Variants in C7orf78 observed in about 807,000 individuals in gnomAD.
The protein encoded by C7orf78 is chromosome 7 open reading frame 78, also known as putative uncharacterized protein C7orf78.
At chr7:12,486,772 G>A in the C7orf78 span, among the ~76,000 whole-genome samples, 39,542 of 151,712 alleles carry the variant, frequency 0.26, 5,790 homozygotes, top group East Asian at 0.5. Flanking sequence ...TCTGCATATC[G>A]GATAATATTG....
At chr7:12,500,997 A>G in the C7orf78 span, among the ~76,000 whole-genome samples, 16 of 151,716 alleles carry the variant, frequency 1.1e-4, no homozygotes. Flanking sequence ...TTATCTCAAT[A>G]GATGCAGAAA....
the C7orf78 span, among the ~76,000 whole-genome samples, chr7:12,535,922 C>T: frequency 6.6e-6 from 1 of 152,232 alleles, no homozygotes; most frequent in Non-Finnish European, 1.5e-5. Context: ...TTCCCATGGA[C>T]TTGGGCAGCT....
the C7orf78 span, among the ~76,000 whole-genome samples, chr7:12,510,338 C>T: frequency 6.6e-6 from 1 of 152,064 alleles, no homozygotes; most frequent in Non-Finnish European, 1.5e-5. Flanking sequence ...GCACATGCCA[C>T]CATGCCTGGC....
At chr7:12,532,075 A>C in the C7orf78 span, among the ~76,000 whole-genome samples, 1 of 152,152 alleles carries the variant, frequency 6.6e-6, no homozygotes, top group Non-Finnish European at 1.5e-5. Flanking sequence ...CTTACTGTAC[A>C]TGTGGCTGGC....
chr7:12,496,482 C>T, the C7orf78 span: 1 of 149,086 alleles, frequency 6.7e-6, no homozygotes, highest in Admixed American at 6.7e-5. Context: ...AAGTACTCTA[C>T]TGTCATCAAG....
chr7:12,525,687 T>A, the C7orf78 span: 1 of 381,944 alleles, frequency 2.6e-6, no homozygotes, highest in African/African-American at 2.1e-5. Context: ...AATGCTACAT[T>A]TGAATGCCAC....
chr7:12,540,639 T>G, the C7orf78 span, among the ~76,000 whole-genome samples: 3 of 152,362 alleles, frequency 2.0e-5, no homozygotes. Context: ...ATGTGCATGC[T>G]TTCTGGTAAG....
At chr7:12,523,027 A>G in the C7orf78 span, 7 of 398,398 alleles carry the variant, frequency 1.8e-5, no homozygotes, top group African/African-American at 1.4e-4. Context: ...AGAGAGGCAC[A>G]AGAGATAGGG....
chr7:12,522,489 A>G, the C7orf78 span, among the ~76,000 whole-genome samples: 4 of 152,102 alleles, frequency 2.6e-5, no homozygotes, highest in African/African-American at 4.8e-5. Context: ...GGCAATGACA[A>G]ATTTCACATA....
chr7:12,494,248 G>A, the C7orf78 span, among the ~76,000 whole-genome samples: 1 of 152,052 alleles, frequency 6.6e-6, no homozygotes, highest in Admixed American at 6.6e-5. Flanking sequence ...AGCTGCTGAT[G>A]GTGGGATCCA....
the C7orf78 span, among the ~76,000 whole-genome samples, chr7:12,531,695 T>C: frequency 7.2e-5 from 11 of 152,196 alleles, no homozygotes; most frequent in Non-Finnish European, 4.4e-5. Context: ...GTAATAATAG[T>C]ACCAACTTTG....
the C7orf78 span, chr7:12,523,391 G>A: frequency 5.0e-6 from 2 of 398,268 alleles, no homozygotes; most frequent in East Asian, 7.1e-5. Context: ...TCCAAGGGGT[G>A]TATATGTCAA....
chr7:12,533,173 G>A, the C7orf78 span, among the ~76,000 whole-genome samples: 2 of 152,070 alleles, frequency 1.3e-5, no homozygotes, highest in African/African-American at 2.4e-5. Context: ...TAGTCCATCA[G>A]CAAAAGTTTC....
At chr7:12,490,652 T>C in the C7orf78 span, among the ~76,000 whole-genome samples, 2 of 152,030 alleles carry the variant, frequency 1.3e-5, no homozygotes, top group Admixed American at 1.3e-4. Flanking sequence ...AGACTGGATA[T>C]TTGTGGCAGT....
At chr7:12,538,920 C>G in the C7orf78 span, among the ~76,000 whole-genome samples, 1 of 152,164 alleles carries the variant, frequency 6.6e-6, no homozygotes, top group Non-Finnish European at 1.5e-5. Context: ...CTACCAGGAG[C>G]TCCCCAAACA....
chr7:12,533,231 C>G, the C7orf78 span, among the ~76,000 whole-genome samples: 1 of 152,114 alleles, frequency 6.6e-6, no homozygotes, highest in Non-Finnish European at 1.5e-5. Context: ...GATGCAGACT[C>G]GCTCTGTCAC....
the C7orf78 span, among the ~76,000 whole-genome samples, chr7:12,525,387 G>A: frequency 2.6e-5 from 4 of 152,010 alleles, no homozygotes; most frequent in East Asian, 7.7e-4. Context: ...CAATGTTTTT[G>A]CTATGTGTCT....
At chr7:12,485,858 T>A in the C7orf78 span, among the ~76,000 whole-genome samples, 1 of 151,856 alleles carries the variant, frequency 6.6e-6, no homozygotes, top group African/African-American at 2.4e-5. Flanking sequence ...AAAGTTGAAT[T>A]TCAGTAGACA....
At chr7:12,534,284 G>A in the C7orf78 span, among the ~76,000 whole-genome samples, 5 of 152,078 alleles carry the variant, frequency 3.3e-5, no homozygotes, top group Non-Finnish European at 2.9e-5. Context: ...TTAAGATTAT[G>A]TTCAGCCATG....
Sources: gnomAD v4.1 joint callset for allele counts (sites outside exome capture counted in the v4.1 genomes callset) on GRCh38, gnomAD v4.1.1 for gene constraint, MANE v1.5 for transcripts, NCBI Gene and HGNC (gene_info 2026-07-23, HGNC 2026-07-21) for gene names.